The following PRKD1 variants were observed in gnomAD, a reference collection of about 807,000 sequenced individuals.
PRKD1 encodes the protein serine/threonine-protein kinase D1.
A neutral mutation model predicts 95.9 loss-of-function variants in PRKD1; 63 were observed. The ratio of observed to expected loss-of-function variants is 0.66; its 90% CI spans 0.54 to 0.81. PRKD1 has a LOEUF of 0.81. Among genes scored for constraint, PRKD1 ranks in the 30% least tolerant of loss-of-function variants. The probability of loss-of-function intolerance (pLI) is 0.00; values close to 1 mark genes in which losing one functional copy is unlikely to be tolerated. For missense variants in PRKD1, 1,048 were observed against 1,165.3 expected, an observed-to-expected ratio of 0.90 and a Z score of 1.47; for synonymous variants, 425 against 423.1, an observed-to-expected ratio of 1.00 and a Z score of -0.05.
intron 1 of PRKD1, among the ~76,000 whole-genome samples, chr14:29,743,430 G>A (rs1887070441): frequency 6.6e-6 from 1 of 152,104 alleles, no homozygotes; most frequent in Non-Finnish European, 1.5e-5. Flanking sequence ...TGGAGAAAGA[G>A]AGAGAAAGCT....
At chr14:29,706,964 C>G (rs1028789056) in intron 2 of PRKD1, among the ~76,000 whole-genome samples, 1 of 151,944 alleles carries the variant, frequency 6.6e-6, no homozygotes, top group African/African-American at 2.4e-5. Context: ...ACAAATAGTA[C>G]AGGTTGAAGG....
intron 2 of PRKD1, among the ~76,000 whole-genome samples, chr14:29,680,776 GA>G (rs1883496596): frequency 6.6e-6 from 1 of 152,180 alleles, no homozygotes; most frequent in African/African-American, 2.4e-5. Flanking sequence ...GCCTGTTGAT[GA>G]AAATGAGACA....
chr14:29,818,993 TTATTAAAA>T (rs758464198), intron 1 of PRKD1, among the ~76,000 whole-genome samples: 333 of 152,124 alleles, frequency 2.2e-3, no homozygotes, highest in Non-Finnish European at 3.8e-3. Context: ...AAGAAATTTC[TTATTAAAA>T]GGGGGTGGGG....
chr14:29,732,970 T>G (rs1886517924), intron 1 of PRKD1, among the ~76,000 whole-genome samples: 2 of 151,524 alleles, frequency 1.3e-5, no homozygotes, highest in South Asian at 4.2e-4. Flanking sequence ...GAACTATAGA[T>G]TTATACATTT....
chr14:29,654,080 C>T (rs1594399186), intron 4 of PRKD1, among the ~76,000 whole-genome samples: 2 of 151,698 alleles, frequency 1.3e-5, no homozygotes, highest in South Asian at 2.1e-4. Flanking sequence ...TTTTGAATAA[C>T]TATTTTTTTT....
intron 1 of PRKD1, among the ~76,000 whole-genome samples, chr14:29,888,796 CT>C (rs1373437718): frequency 6.6e-6 from 1 of 152,160 alleles, no homozygotes; most frequent in African/African-American, 2.4e-5. Flanking sequence ...TATAGCTGAC[CT>C]AGTTTCAAAG....
intron 16 of PRKD1, among the ~76,000 whole-genome samples, chr14:29,586,168 G>A (rs572871298): frequency 6.6e-6 from 1 of 152,028 alleles, no homozygotes; most frequent in Non-Finnish European, 1.5e-5. Flanking sequence ...TTGCCCAAAG[G>A]GTCCTTGAAT....
At chr14:29,798,969 C>T (rs1184516369) in intron 1 of PRKD1, among the ~76,000 whole-genome samples, 1 of 152,208 alleles carries the variant, frequency 6.6e-6, no homozygotes, top group Admixed American at 6.5e-5. Context: ...AAGAGCACAT[C>T]TCACTTTTAC....
chr14:29,645,181 A>C (rs1566509971), intron 4 of PRKD1, among the ~76,000 whole-genome samples: 1 of 152,206 alleles, frequency 6.6e-6, no homozygotes, highest in Non-Finnish European at 1.5e-5. Flanking sequence ...AGGACAACAT[A>C]AGAGGCAATA....
At chr14:29,608,054 A>C (rs1334765491) in intron 13 of PRKD1, among the ~76,000 whole-genome samples, 1 of 152,218 alleles carries the variant, frequency 6.6e-6, no homozygotes, top group Non-Finnish European at 1.5e-5. Context: ...ATAAATTAAC[A>C]TATTCAAATA....
intron 11 of PRKD1, among the ~76,000 whole-genome samples, chr14:29,627,043 C>T (rs45528634): frequency 0.23 from 34,462 of 152,116 alleles, 3,941 homozygotes; most frequent in African/African-American, 0.25. Flanking sequence ...AATGTAATAA[C>T]GTAATGTTAC....
intron 1 of PRKD1, among the ~76,000 whole-genome samples, chr14:29,759,053 A>C (rs983304857): frequency 1.3e-5 from 2 of 152,232 alleles, no homozygotes; most frequent in African/African-American, 4.8e-5. Context: ...CGTTACTCAC[A>C]TGTGATCATT....
intron 1 of PRKD1, among the ~76,000 whole-genome samples, chr14:29,900,994 C>G (rs1478618779): frequency 6.6e-6 from 1 of 152,164 alleles, no homozygotes. Context: ...TGGGTATATG[C>G]CCAAAAGAAA....
chr14:29,777,885 A>T (rs376264753), intron 1 of PRKD1, among the ~76,000 whole-genome samples: 39,780 of 151,798 alleles, frequency 0.26, 5,838 homozygotes, highest in African/African-American at 0.39. Context: ...ATTGACCACA[A>T]AGTTGGAAGT....
chr14:29,697,520 T>G (rs1333598490), intron 2 of PRKD1, among the ~76,000 whole-genome samples: 1 of 152,216 alleles, frequency 6.6e-6, no homozygotes, highest in Non-Finnish European at 1.5e-5. Context: ...ACATTTTAAA[T>G]TCCACAAAGT....
At chr14:29,822,137 G>C (rs1381987164) in intron 1 of PRKD1, among the ~76,000 whole-genome samples, 3 of 152,090 alleles carry the variant, frequency 2.0e-5, no homozygotes, top group African/African-American at 7.2e-5. Flanking sequence ...TGGCCTCCCA[G>C]GTCACTATGG....
intron 1 of PRKD1, among the ~76,000 whole-genome samples, chr14:29,796,316 T>C (rs1889813336): frequency 6.6e-6 from 1 of 152,182 alleles, no homozygotes. Context: ...GTACGAATGT[T>C]TAATCATAAC....
chr14:29,712,822 GA>G (rs1264687722), intron 2 of PRKD1, among the ~76,000 whole-genome samples: 2 of 152,160 alleles, frequency 1.3e-5, no homozygotes, highest in Non-Finnish European at 2.9e-5. Flanking sequence ...CCAACAGAAT[GA>G]GAGTGCTGGG....
chr14:29,857,142 T>C (rs887817845), intron 1 of PRKD1, among the ~76,000 whole-genome samples: 1 of 152,196 alleles, frequency 6.6e-6, no homozygotes, highest in Non-Finnish European at 1.5e-5. Flanking sequence ...CCAAATGGTA[T>C]CATGAATATA....
Sources: gnomAD v4.1 joint callset for allele counts (sites outside exome capture counted in the v4.1 genomes callset) on GRCh38, gnomAD v4.1.1 for gene constraint, MANE v1.5 for transcripts, NCBI Gene and HGNC (gene_info 2026-07-23, HGNC 2026-07-21) for gene names.